The following TTI1 variants were observed in gnomAD, a reference collection of about 807,000 sequenced individuals.
TTI1 encodes the protein TELO2-interacting protein 1 homolog.
A neutral mutation model predicts 85.4 loss-of-function variants in TTI1; 52 were observed. The ratio of observed to expected loss-of-function variants is 0.61; its 90% CI spans 0.49 to 0.77. TTI1 has a LOEUF of 0.77. Ranked by LOEUF, TTI1 falls within the 30% of genes least tolerant of loss-of-function variation. The pLI is 0.00. For synonymous variants in TTI1, 512 were observed against 503.9 expected, an observed-to-expected ratio of 1.02 and a Z score of -0.22; for missense variants, 1,173 against 1,296.0, an observed-to-expected ratio of 0.91 and a Z score of 1.46.
rs1271555536 is a variant in TTI1 at position 38,012,285 on chromosome 20, A to C, written c.1532T>G (p.Leu511Arg). 5 of 1,614,224 alleles carry C rather than the reference A, an allele frequency of 3.1e-6. No homozygotes were observed. Among genetic ancestry groups the C allele is most frequent in the Non-Finnish European group, 4.2e-6 (5 of 1,180,044 alleles). ...CCGGTAAACCACAGATTGATGGTAA[A>C]GTTCCATAAAGTGATCCACAAGCAA... ...LYLLVDHFME[L>R]YHQSVVYRKQ... The change falls in exon 2 of 8, where the codon CTT (leucine) becomes CGT (arginine). Residue 511 changes from leucine (L) to arginine (R), a missense_variant. Transcript: ENST00000373447.
Position 38,011,674 on chromosome 20 carries a change from T to C in TTI1, c.2143A>G (p.Thr715Ala). 1 of 1,614,012 alleles carries C rather than the reference T, an allele frequency of 6.2e-7. No individual in the cohort carries two copies. The change falls in exon 2 of 8, where the codon ACC becomes GCC. Residue 715 changes from threonine (T) to alanine (A), a missense_variant. Physicochemically the swap from Thr to Ala is moderately conservative, Grantham distance 58. Coordinates refer to ENST00000373447, the MANE Select transcript of TTI1 (RefSeq NM_001303457.2). ...AGCATGACTTCCAGGACCTTTGGGG[T>C]ATGAGGATGCAGAGCCAGATGACGC... Reference protein sequence around the residue: ...NLRHLALHPHTPKVLEVMLRN... With the variant: ...NLRHLALHPHAPKVLEVMLRN...
chr20:37,984,285 A>G (rs1202383723), intron 7 of TTI1, among the ~76,000 whole-genome samples: 9 of 152,200 alleles, frequency 5.9e-5, no homozygotes, highest in African/African-American at 1.9e-4. Flanking sequence ...CTCCTGGGGC[A>G]GGACTGGCTG....
At position 38,013,429 on chromosome 20, in the gene TTI1, A is replaced by G; in HGVS notation, c.388T>C (p.Leu130=). 6.2e-7 allele frequency: 1 copy of G among 1,614,064 alleles called. No homozygotes were observed. Among genetic ancestry groups the G allele is most frequent in the Non-Finnish European group, 8.5e-7 (1 of 1,180,048 alleles). ...ATGTCCCCATAAGCTGAGTGCATTA[A>G]TGTGCTAAGTCCCTGGATCACAGCC... The part of the protein sequence containing the change: ...KLAVIQGLST[L]MHSAYGDIIL... The change falls in exon 2 of 8, where the codon TTA becomes CTA. Residue 130 remains leucine, a synonymous_variant. Transcript: ENST00000373447.
At chr20:38,023,582 T>C (rs1467622959) in intron 1 of TTI1, among the ~76,000 whole-genome samples, 1 of 152,224 alleles carries the variant, frequency 6.6e-6, no homozygotes, top group Non-Finnish European at 1.5e-5. Context: ...AGGACTACTA[T>C]CTTGGGTTAA....
chr20:38,002,172 G>GC (rs1273605029), intron 4 of TTI1, among the ~76,000 whole-genome samples: 5 of 152,112 alleles, frequency 3.3e-5, no homozygotes, highest in Admixed American at 6.5e-5. Context: ...CATGCTTTCA[G>GC]CCCTTGCTGA....
chr20:38,020,933 T>G (rs1800578489), intron 1 of TTI1, among the ~76,000 whole-genome samples: 1 of 152,220 alleles, frequency 6.6e-6, no homozygotes, highest in Non-Finnish European at 1.5e-5. Context: ...GGAAAACTCG[T>G]TGGCAGTATC....
Position 38,011,666 on chromosome 20 carries a change from C to T in TTI1, c.2151G>A (p.Lys717=), listed in dbSNP as rs1186832983. 19 of 1,614,072 alleles carry T rather than the reference C, an allele frequency of 1.2e-5. No individual in the cohort carries two copies. The change falls in exon 2 of 8, where the codon AAG becomes AAA. Residue 717 remains lysine, a synonymous_variant. Transcript: ENST00000373447. ...RHLALHPHTP[K]VLEVMLRNSD... Reference sequence around the variant, plus strand: ...AGTTCCGCAGCATGACTTCCAGGACCTTTGGGGTATGAGGATGCAGAGCCA... The same window carrying T: ...AGTTCCGCAGCATGACTTCCAGGACTTTTGGGGTATGAGGATGCAGAGCCA...
At chr20:38,002,920 A>C in intron 3 of TTI1, 144 bp from the exon 4 acceptor site, 1 of 1,146,028 alleles carries the variant, frequency 8.7e-7, no homozygotes, top group Non-Finnish European at 1.2e-6. Context: ...TCAAGGGGGA[A>C]TAGGTACAGA....
At chr20:37,984,385 A>G (rs1190058157) in intron 7 of TTI1, among the ~76,000 whole-genome samples, 3 of 152,162 alleles carry the variant, frequency 2.0e-5, no homozygotes, top group Non-Finnish European at 4.4e-5. Flanking sequence ...GGGCTACTGG[A>G]CACCCCACAG....
At chr20:38,020,796 A>ATATCATTACACATCCATGAGAAGAGC (rs2073759769) in intron 1 of TTI1, among the ~76,000 whole-genome samples, 2 of 152,192 alleles carry the variant, frequency 1.3e-5, no homozygotes, top group Non-Finnish European at 2.9e-5. Flanking sequence ...CCACAATGAA[A>ATATCATTACACATCCATGAGAAGAGC]TATCATTACA....
At chr20:38,020,605 A>T (rs1467483486) in intron 1 of TTI1, among the ~76,000 whole-genome samples, 1 of 151,968 alleles carries the variant, frequency 6.6e-6, no homozygotes, top group East Asian at 1.9e-4. Context: ...TATATCTGAC[A>T]AAACACTCAT....
intron 7 of TTI1, among the ~76,000 whole-genome samples, chr20:37,992,082 C>T (rs2073272746): frequency 6.6e-6 from 1 of 152,178 alleles, no homozygotes; most frequent in Non-Finnish European, 1.5e-5. Context: ...CCCAGCGCCC[C>T]ATCAGGGGCT....
At position 38,011,763 on chromosome 20, in the gene TTI1, T is replaced by TGC; in HGVS notation, c.2053_2054insGC (p.Asp685GlyfsTer7). The TGC allele has an allele frequency of 1.2e-6, 2 of 1,613,980 alleles. No individual in the cohort carries two copies. Among genetic ancestry groups the TGC allele is most frequent in the Non-Finnish European group, 1.7e-6 (2 of 1,180,010 alleles). Reference sequence around the variant, plus strand: ...TTGATTGATCAGGTGCTGCAGGGAGTCGTAGCCACAAGCACGGCAAACGTC... The same window carrying TGC: ...TTGATTGATCAGGTGCTGCAGGGAGTGCCGTAGCCACAAGCACGGCAAACGTC... On this transcript the variant is annotated frameshift_variant, in exon 2 of 8. Transcript: ENST00000373447. LOFTEE classifies it high-confidence loss of function.
intron 7 of TTI1, among the ~76,000 whole-genome samples, chr20:37,988,116 C>T (rs1399158911): frequency 6.6e-6 from 1 of 152,238 alleles, no homozygotes; most frequent in Non-Finnish European, 1.5e-5. Context: ...CTCAGGGCTC[C>T]CTGTCTGCTG....
intron 3 of TTI1, among the ~76,000 whole-genome samples, chr20:38,003,057 G>A (rs1358738523): frequency 6.6e-6 from 1 of 152,116 alleles, no homozygotes; most frequent in African/African-American, 2.4e-5. Flanking sequence ...AACTTATGGG[G>A]TCGAGTGATC....
chr20:38,003,956 T>C (rs1173351982), intron 3 of TTI1, among the ~76,000 whole-genome samples: 4 of 152,138 alleles, frequency 2.6e-5, no homozygotes, highest in South Asian at 2.1e-4. Flanking sequence ...TTACTTATCT[T>C]TGTAGGTGAG....
intron 7 of TTI1, among the ~76,000 whole-genome samples, chr20:37,984,845 G>A (rs2073169798): frequency 6.6e-6 from 1 of 152,214 alleles, no homozygotes; most frequent in Non-Finnish European, 1.5e-5. Context: ...ATGGCATGTG[G>A]TCAGCATCCA....
In TTI1 at chr20:37,996,374, C is replaced by G. The variant is rs200671578; in HGVS notation, c.3086+1G>C. 16 of 1,613,934 alleles carry G rather than the reference C, an allele frequency of 9.9e-6. No homozygotes were observed. Among genetic ancestry groups the G allele is most frequent in the Non-Finnish European group, 1.3e-5 (15 of 1,179,994 alleles). ...GGATGCGGGTGATCAGGCAGACGTA[C>G]CTCCTGGCAGCCTCTTGTAATTTCA... On this transcript the variant is annotated splice_donor_variant, in intron 7 of 7. Coordinates refer to ENST00000373447, the MANE Select transcript of TTI1 (RefSeq NM_001303457.2). LOFTEE classifies it high-confidence loss of function.
intron 7 of TTI1, among the ~76,000 whole-genome samples, chr20:37,993,221 C>A (rs2073291238): frequency 6.7e-6 from 1 of 148,838 alleles, no homozygotes; most frequent in Non-Finnish European, 1.5e-5. Context: ...ATGCCTCCCC[C>A]AGTTGGAAGA....
Sources: allele counts gnomAD v4.1 joint callset (sites outside exome capture counted in the v4.1 genomes callset), GRCh38; gene constraint gnomAD v4.1.1; transcripts MANE v1.5; gene names NCBI Gene and HGNC (gene_info 2026-07-23, HGNC 2026-07-21).